BCL11B: variants seen among roughly 807,000 people sequenced by gnomAD.
BCL11B encodes B-cell lymphoma/leukemia 11B.
BCL11B carries 8 observed loss-of-function variants against 49.9 expected under a neutral mutation model. The observed-to-expected ratio is 0.16, with a 90% CI of 0.09 to 0.29. BCL11B has a LOEUF of 0.29. Ranked by LOEUF, BCL11B falls within the 10% of genes least tolerant of loss-of-function variation. The pLI is 1.00. For missense variants in BCL11B, 1,006 were observed against 1,351.0 expected, an observed-to-expected ratio of 0.74 and a Z score of 4.00; for synonymous variants, 739 against 637.4, an observed-to-expected ratio of 1.16 and a Z score of -2.40.
intron 3 of BCL11B, among the ~76,000 whole-genome samples, chr14:99,199,677 T>TGCGCGCGC (rs1272012647): frequency 1.6e-4 from 18 of 112,182 alleles, no homozygotes; most frequent in East Asian, 5.3e-4. Flanking sequence ...TGTGTGTGTG[T>TGCGCGCGC]GTGTGTGCGC....
intron 3 of BCL11B, among the ~76,000 whole-genome samples, chr14:99,229,819 A>T (rs1260922764): frequency 6.6e-6 from 1 of 151,912 alleles, no homozygotes; most frequent in Non-Finnish European, 1.5e-5. Context: ...AATGACAGGA[A>T]GCCACGAGAG....
At position 99,195,336 on chromosome 14, in the gene BCL11B, G is replaced by T. The variant is rs917432753; in HGVS notation, c.641-19141C>A. On this transcript the variant is annotated intron_variant, in intron 3 of 3. Transcript: ENST00000357195. This position sits in a 1 kb window ranked among gnomAD's most constrained non-coding sequence, Gnocchi z 4.7. ...AAGAGAAGCTTCCCAGGGCTCTCCA[G>T]TATTCCCCACACCTCCTCTGTGGGG... Among the ~76,000 whole-genome samples, 10 of 152,080 alleles carry T rather than the reference G, an allele frequency of 6.6e-5. No homozygotes were observed. The highest frequency in any genetic ancestry group is 1.3e-4 in the Non-Finnish European group (9 of 68,002).
chr14:99,271,497 T>TA lies in BCL11B; in HGVS notation c.-280dup, dbSNP rs1189290803. 5.4e-6 allele frequency: 1 copy of TA among 183,574 alleles called. No individual in the cohort carries two copies. Among genetic ancestry groups the TA allele is most frequent in the African/African-American group, 2.5e-5 (1 of 39,780 alleles). 11.4% of individuals were successfully genotyped at this position (183,574 alleles called of 1,614,324 possible). ...GAAAAGCAAGAAAAACCTCTCGATC[T>TA]AAAATAAGAAAAAGAGGCAAAAAAA... On this transcript the variant is annotated 5_prime_UTR_variant, in exon 1 of 4. Coordinates refer to ENST00000357195, the MANE Select transcript of BCL11B (RefSeq NM_138576.4).
At chr14:99,235,566 C>T (rs1888471194) in intron 2 of BCL11B, among the ~76,000 whole-genome samples, 1 of 152,210 alleles carries the variant, frequency 6.6e-6, no homozygotes, top group Admixed American at 6.5e-5. Context: ...ATGAAACTTA[C>T]GTCAACTCTC....
At position 99,174,313 on chromosome 14, in the gene BCL11B, G is replaced by C; in HGVS notation, c.2523C>G (p.Arg841=). 6.2e-7 allele frequency: 1 copy of C among 1,613,448 alleles called. No homozygotes were observed. The highest frequency in any genetic ancestry group is 8.5e-7 in the Non-Finnish European group (1 of 1,179,984). Residue 841 remains arginine, a synonymous_variant, in exon 4 of 4, where the codon CGC becomes CGG. Transcript: ENST00000357195. ...CGATCTGCCCGTGCGTCTTCATGTG[G>C]CGCGTGAGCTTGCTGCTCTGCGCGC... is the stretch of plus-strand genomic sequence containing the variant. ...YACAQSSKLT[R]HMKTHGQIGK...
At chr14:99,225,472 G>A (rs1888133026) in intron 3 of BCL11B, among the ~76,000 whole-genome samples, 1 of 152,078 alleles carries the variant, frequency 6.6e-6, no homozygotes, top group Non-Finnish European at 1.5e-5. Context: ...TTGCTCTGAG[G>A]TCTCTGATGT....
chr14:99,174,007 A>C lies in BCL11B; in HGVS notation c.*144T>G. On this transcript the variant is annotated 3_prime_UTR_variant, in exon 4 of 4. Transcript: ENST00000357195. ...GGTTTCCATAGGACTTCGCAGACAC[A>C]GGTTAGGTTGGAGTGCCGCCTCCCC... The C allele has an allele frequency of 1.4e-6, 1 of 727,970 alleles. No individual in the cohort carries two copies. Among genetic ancestry groups the C allele is most frequent in the Non-Finnish European group, 2.2e-6 (1 of 448,414 alleles). 45.1% of individuals were successfully genotyped at this position (727,970 alleles called of 1,614,324 possible).
rs1364768585 is a variant in BCL11B, at chr14:99,248,853, GC to G, written c.427+8617del. 9.2e-5 allele frequency among the ~76,000 whole-genome samples: 14 copies of G among 152,248 alleles called. No individual in the cohort carries two copies. The East Asian group carries it at 2.3e-3, about 25-fold the overall frequency. ...CTCACATTTCAGCCCAGCAGGCTCA[GC>G]CCCAGAGACGGGGAAGATCTGTCTG... On this transcript the variant is annotated intron_variant, in intron 2 of 3. Transcript: ENST00000357195. This position sits in a 1 kb window ranked among gnomAD's most constrained non-coding sequence, Gnocchi z 4.7.
intron 3 of BCL11B, among the ~76,000 whole-genome samples, chr14:99,211,912 A>C (rs1887700325): frequency 1.3e-5 from 2 of 152,160 alleles, no homozygotes; most frequent in African/African-American, 4.8e-5. Context: ...TATAAGAAGA[A>C]GAAACTTCAA....
chr14:99,269,505 T>G (rs944375208), intron 1 of BCL11B, among the ~76,000 whole-genome samples: 4 of 125,878 alleles, frequency 3.2e-5, no homozygotes, highest in Non-Finnish European at 6.8e-5. Flanking sequence ...AATCCCACTT[T>G]AATTTCTATT....
chr14:99,227,920 T>A (rs1888204768), intron 3 of BCL11B, among the ~76,000 whole-genome samples: 1 of 152,004 alleles, frequency 6.6e-6, no homozygotes, highest in African/African-American at 2.4e-5. Flanking sequence ...CCGAGTCCCT[T>A]CTCCCCACTG....
Position 99,247,994 on chromosome 14 carries a change from T to C in BCL11B, c.427+9477A>G, listed in dbSNP as rs2139932272. On this transcript the variant is annotated intron_variant, in intron 2 of 3. Transcript: ENST00000357195. The surrounding 1 kb of genome is among the most constrained non-coding windows in gnomAD (Gnocchi z 4.5). ...CACCCTGCCCTTGGCTGCTGCCTTT[T>C]CTCCACACCAGGAGTGGGGGAGTCT... Among the ~76,000 whole-genome samples the C allele has an allele frequency of 6.6e-6, 1 of 152,114 alleles. No individual in the cohort carries two copies. The highest frequency in any genetic ancestry group is 6.5e-5 in the Admixed American group (1 of 15,288).
chr14:99,208,316 C>T (rs2139836648), intron 3 of BCL11B, among the ~76,000 whole-genome samples: 1 of 152,274 alleles, frequency 6.6e-6, no homozygotes, highest in South Asian at 2.1e-4. Context: ...AGCCACAGGG[C>T]CTCGGACTTC....
In BCL11B at chr14:99,173,559, A is replaced by AG. The variant is rs1397845342; in HGVS notation, c.*591_*592insC. 1.1e-5 allele frequency: 2 copies of AG among 177,902 alleles called. No homozygotes were observed. Among genetic ancestry groups the AG allele is most frequent in the South Asian group, 4.4e-4 (2 of 4,532 alleles). 11.0% of individuals were successfully genotyped at this position (177,902 alleles called of 1,614,324 possible). On this transcript the variant is annotated 3_prime_UTR_variant, in exon 4 of 4. Coordinates refer to ENST00000357195, the MANE Select transcript of BCL11B (RefSeq NM_138576.4). Reference sequence around the variant, plus strand: ...CCCACCCCAAAAACAAAAACCAAAAAAAAAATTAAAAAATAATTAAAAAAA... The same window carrying AG: ...CCCACCCCAAAAACAAAAACCAAAAAGAAAAATTAAAAAATAATTAAAAAAA...
intron 2 of BCL11B, among the ~76,000 whole-genome samples, chr14:99,246,389 G>A (rs952378765): frequency 6.6e-6 from 1 of 152,226 alleles, no homozygotes; most frequent in African/African-American, 2.4e-5. Flanking sequence ...AAAGAGAGAG[G>A]GAAGGAGGTG....
chr14:99,237,732 G>A (rs1444554803), intron 2 of BCL11B, among the ~76,000 whole-genome samples: 2 of 152,176 alleles, frequency 1.3e-5, no homozygotes, highest in African/African-American at 4.8e-5. Flanking sequence ...AGTTCCTTCG[G>A]GGTCATTACA....
At position 99,197,149 on chromosome 14, in the gene BCL11B, C is replaced by A. The variant is rs947455463; in HGVS notation, c.641-20954G>T. On this transcript the variant is annotated intron_variant, in intron 3 of 3. Coordinates refer to ENST00000357195, the MANE Select transcript of BCL11B (RefSeq NM_138576.4). Reference sequence around the variant, plus strand: ...TGCCTTTCCACCTCCCCAGCCTGCACCCTTATCAGGCTACACAACATCCCT... The same window carrying A: ...TGCCTTTCCACCTCCCCAGCCTGCAACCTTATCAGGCTACACAACATCCCT... 3.9e-5 allele frequency among the ~76,000 whole-genome samples: 6 copies of A among 152,318 alleles called. No individual in the cohort carries two copies. The South Asian group carries it at 1.0e-3, about 26-fold the overall frequency.
chr14:99,181,029 G>A (rs1407095758), intron 3 of BCL11B, among the ~76,000 whole-genome samples: 1 of 152,136 alleles, frequency 6.6e-6, no homozygotes, highest in Non-Finnish European at 1.5e-5. Flanking sequence ...AAAGGTATCA[G>A]AGATGTTCAA....
chr14:99,237,629 G>C (rs1187562514), intron 2 of BCL11B, among the ~76,000 whole-genome samples: 2 of 152,176 alleles, frequency 1.3e-5, no homozygotes, highest in Non-Finnish European at 2.9e-5. Flanking sequence ...CACGGGTTTT[G>C]GCTTGGGGGT....
Sources: gnomAD v4.1 joint callset for allele counts (sites outside exome capture counted in the v4.1 genomes callset) on GRCh38, gnomAD v4.1.1 for gene constraint, Gnocchi (gnomAD v3.1) non-coding constraint, MANE v1.5 for transcripts, NCBI Gene and HGNC (gene_info 2026-07-23, HGNC 2026-07-21) for gene names.